UBR4: variants seen among roughly 807,000 people sequenced by gnomAD.
UBR4 encodes the protein ubiquitin protein ligase E3 component n-recognin 4, also known as E3 ubiquitin-protein ligase UBR4.
A neutral mutation model predicts 575.6 loss-of-function variants in UBR4; 124 were observed. The observed-to-expected ratio is 0.22, with a 90% CI of 0.19 to 0.25. The LOEUF is 0.25. Among genes scored for constraint, UBR4 ranks in the 10% least tolerant of loss-of-function variants. The probability of loss-of-function intolerance (pLI) is 1.00; values close to 1 mark genes in which losing one functional copy is unlikely to be tolerated. For missense variants in UBR4, 4,818 were observed against 6,478.8 expected, an observed-to-expected ratio of 0.74 and a Z score of 8.80; for synonymous variants, 2,455 against 2,473.7, an observed-to-expected ratio of 0.99 and a Z score of 0.22.
chr1:19,169,332 G>T (rs1004957692), intron 27 of UBR4, 103 bp downstream of exon 27: 3 of 902,606 alleles, frequency 3.3e-6, no homozygotes, highest in Non-Finnish European at 4.9e-6. Flanking sequence ...AGTATATGAA[G>T]ATATCTTGGT....
chr1:19,192,743 C>T (rs2092188210), intron 9 of UBR4, among the ~76,000 whole-genome samples: 2 of 152,112 alleles, frequency 1.3e-5, no homozygotes, highest in East Asian at 3.9e-4. Context: ...GAAGCCATCC[C>T]TCCTCCGAAT....
rs1294153089 is a variant in UBR4, at chr1:19,128,295, A to T, written c.9027T>A (p.Asp3009Glu). The T allele has an allele frequency of 6.2e-7, 1 of 1,614,010 alleles. No homozygotes were observed. The highest frequency in any genetic ancestry group is 8.5e-7 in the Non-Finnish European group (1 of 1,179,934). ...TGTCTTTCTCATCTTCTCCATCCAGATCTGTAGTGAGCATTAGAATGACCT... is the reference window on the plus strand; with the variant it reads ...TGTCTTTCTCATCTTCTCCATCCAGTTCTGTAGTGAGCATTAGAATGACCT... ...YMQVILMLTT[D>E]LDGEDEKDKG... The change falls in exon 62 of 106, where the codon GAT becomes GAA. Residue 3009 changes from aspartate to glutamate, a missense_variant. Asp to Glu is a conservative substitution (Grantham distance 45). Coordinates refer to ENST00000375254, the MANE Select transcript of UBR4 (RefSeq NM_020765.3).
rs1183654185 is a variant in UBR4 at position 19,138,043 on chromosome 1, TCTC to T, written c.8867_8869del (p.Gly2956del). Reference sequence around the variant, plus strand: ...GTGGACATCTCCTTCAGTTTCTCCTTCTCCTTCTCCCTCGGAGCCATCTCCCTC... The same window carrying T: ...GTGGACATCTCCTTCAGTTTCTCCTTCTTCTCCCTCGGAGCCATCTCCCTC... On this transcript the variant is annotated inframe_deletion, in exon 60 of 106. Transcript: ENST00000375254. The T allele has an allele frequency of 5.7e-6, 9 of 1,579,468 alleles. 1 individual carries two copies. In the South Asian group the frequency reaches 1.0e-4, roughly 18 times the overall value.
intron 1 of UBR4, among the ~76,000 whole-genome samples, chr1:19,204,535 A>AATAT (rs34722359): frequency 1.3e-5 from 2 of 150,092 alleles, no homozygotes; most frequent in East Asian, 1.9e-4. Flanking sequence ...TATAAAAAAA[A>AATAT]ATATATATAT....
chr1:19,176,873 C>T (rs1300662594), intron 19 of UBR4, 146 bp from the exon 20 acceptor site: 3 of 977,606 alleles, frequency 3.1e-6, no homozygotes, highest in East Asian at 5.3e-5. Context: ...TATTGGGCAC[C>T]ATTCAGCTTT....
rs112506071 is a variant in UBR4 at position 19,075,976 on chromosome 1, T to G, written c.15487+764A>C. On this transcript the variant is annotated intron_variant, in intron 105 of 105. Coordinates refer to ENST00000375254, the MANE Select transcript of UBR4 (RefSeq NM_020765.3). ...GTGCGTTGGCTCTGGGGAGCTGACC[T>G]TTGTAGGGCGGGTGCTCTGATGGGG... Among the ~76,000 whole-genome samples, 850 of 152,298 alleles carry G rather than the reference T, an allele frequency of 5.6e-3. 7 individuals carry two copies. The highest frequency in any genetic ancestry group is 0.017 in the Middle Eastern group (5 of 294).
chr1:19,117,252 T>C lies in UBR4; in HGVS notation c.10792A>G (p.Thr3598Ala). ...TTCAACTCCACGATGGCCTGCACGG[T>C]TCGGTTGTTATAATACAGGTTGATG... ...RTINLYYNNR[T>A]VQAIVELKNK... The change falls in exon 73 of 106, where the codon ACC becomes GCC. Residue 3598 changes from threonine to alanine, a missense_variant. Physicochemically the swap from Thr to Ala is moderately conservative, Grantham distance 58 (BLOSUM62 0). This residue lies in a region of UBR4 where 550 missense variants were observed against 791.5 expected (regional missense o/e 0.69). Transcript: ENST00000375254. The surrounding 1 kb of genome is among the most constrained non-coding windows in gnomAD (Gnocchi z 4.0). 6.2e-7 allele frequency: 1 copy of C among 1,614,108 alleles called. No homozygotes were observed. Among genetic ancestry groups the C allele is most frequent in the East Asian group, 2.2e-5 (1 of 44,878 alleles).
intron 52 of UBR4, 65 bp downstream of exon 52, chr1:19,146,761 G>C: frequency 6.5e-7 from 1 of 1,549,786 alleles, no homozygotes; most frequent in Non-Finnish European, 8.7e-7. Context: ...AGAACAGTAA[G>C]AATGAGAGGG....
At position 19,127,593 on chromosome 1, in the gene UBR4, C is replaced by T. The variant is rs2274002; in HGVS notation, c.9228+30G>A. Reference sequence around the variant, plus strand: ...TACCCAGACAATCCGCTTACCTTTCCCCAAACCCATGAACCCAAAGCAAAA... The same window carrying T: ...TACCCAGACAATCCGCTTACCTTTCTCCAAACCCATGAACCCAAAGCAAAA... On this transcript the variant is annotated intron_variant, in intron 63 of 105. Coordinates refer to ENST00000375254, the MANE Select transcript of UBR4 (RefSeq NM_020765.3). 2.9e-3 allele frequency: 4,562 copies of T among 1,586,192 alleles called. 172 individuals are homozygous for T. The East Asian group carries it at 0.079, about 27-fold the overall frequency.
In UBR4 at chr1:19,086,599, C is replaced by A. The variant is rs574816288; in HGVS notation, c.14687+80G>T. On this transcript the variant is annotated intron_variant, in intron 100 of 105. Transcript: ENST00000375254. ...AGAGACTAAGGAGCAGATTTAAAAC[C>A]ACGAGGATGGCAGTCCCACCCGCTC... The A allele has an allele frequency of 2.5e-3, 3,843 of 1,566,792 alleles. 6 individuals carry two copies. The highest frequency in any genetic ancestry group is 2.7e-3 in the Non-Finnish European group (3,162 of 1,154,014).
In UBR4 at chr1:19,169,532, C is replaced by G. The variant is rs748291406; in HGVS notation, c.3644G>C (p.Gly1215Ala). The G allele has an allele frequency of 8.1e-6, 13 of 1,612,248 alleles. No individual in the cohort carries two copies. The highest frequency in any genetic ancestry group is 9.3e-6 in the Non-Finnish European group (11 of 1,179,396). Residue 1215 changes from glycine to alanine, a missense_variant and splice_region_variant, in exon 27 of 106, where the codon GGT (glycine) becomes GCT (alanine). Transcript: ENST00000375254. Reference sequence around the variant, plus strand: ...TGGCAAATTCTGAACCAGTGTCGGACCTGGAGGCGACAGAAAGGACAAGGA... The same window carrying G: ...TGGCAAATTCTGAACCAGTGTCGGAGCTGGAGGCGACAGAAAGGACAAGGA... Reference protein sequence around the residue: ...GSSRCKANTLGPTLVQNLPSS... With the variant: ...GSSRCKANTLAPTLVQNLPSS...
chr1:19,126,704 A>G (rs1295295464), intron 63 of UBR4, 49 bp from the exon 64 acceptor site: 2 of 1,593,334 alleles, frequency 1.3e-6, no homozygotes, highest in Non-Finnish European at 1.7e-6. Flanking sequence ...TTGTAAAAAC[A>G]ATGTGAAATC....
intron 93 of UBR4, 103 bp downstream of exon 93, chr1:19,095,442 G>C (rs2077938613): frequency 9.0e-7 from 1 of 1,112,148 alleles, no homozygotes; most frequent in Admixed American, 1.9e-5. Flanking sequence ...TGAAGGGCTT[G>C]AAGAAGCCGT....
chr1:19,180,033 T>C (rs2090722936), intron 17 of UBR4, among the ~76,000 whole-genome samples: 2 of 152,206 alleles, frequency 1.3e-5, no homozygotes. Context: ...GACTACACAG[T>C]TACCATAGGT....
At chr1:19,179,937 T>G (rs1343257312) in intron 17 of UBR4, among the ~76,000 whole-genome samples, 2 of 152,196 alleles carry the variant, frequency 1.3e-5, no homozygotes, top group African/African-American at 4.8e-5. Context: ...CAAATTAAAT[T>G]ATATTTTTAT....
intron 1 of UBR4, among the ~76,000 whole-genome samples, chr1:19,204,974 A>G (rs2092935245): frequency 6.6e-6 from 1 of 152,234 alleles, no homozygotes; most frequent in African/African-American, 2.4e-5. Context: ...AAAGTTAAGT[A>G]GGAAGGAGAA....
rs1452294626 is a variant in UBR4 at position 19,146,880 on chromosome 1, G to A, written c.7750C>T (p.Arg2584Cys). 2 of 1,614,126 alleles carry A rather than the reference G, an allele frequency of 1.2e-6. No individual in the cohort carries two copies. The highest frequency in any genetic ancestry group is 1.7e-5 in the Admixed American group (1 of 60,030). ...VITARSIAIM[R>C]PNNLVHFTES... is the part of the protein sequence containing the mutation. Reference sequence around the variant, plus strand: ...GTAAAGTGGACAAGGTTGTTGGGGCGCATGATGGCAATGGAGCGAGCTGTG... The same window carrying A: ...GTAAAGTGGACAAGGTTGTTGGGGCACATGATGGCAATGGAGCGAGCTGTG... The change falls in exon 52 of 106, where the codon CGC becomes TGC. Residue 2584 changes from arginine to cysteine, a missense_variant. Transcript: ENST00000375254.
intron 48 of UBR4, 99 bp from the exon 49 acceptor site, chr1:19,150,892 T>C: frequency 8.5e-7 from 1 of 1,182,420 alleles, no homozygotes; most frequent in Non-Finnish European, 1.2e-6. Context: ...GTAAATCACG[T>C]CAATTTTATA....
Position 19,097,335 on chromosome 1 carries a change from A to C in UBR4, c.13303-55T>G, listed in dbSNP as rs1277878977. 4 of 1,520,940 alleles carry C rather than the reference A, an allele frequency of 2.6e-6. No individual in the cohort carries two copies. The Admixed American group carries it at 7.4e-5, about 28-fold the overall frequency. 94.2% of individuals were successfully genotyped at this position (1,520,940 alleles called of 1,614,324 possible). On this transcript the variant is annotated intron_variant, in intron 90 of 105. Transcript: ENST00000375254. ...TAAAAACAGGCCCAGACAAATGCAA[A>C]GGACTCCATACTTGGTCTTGCTTAA...
Sources: allele counts gnomAD v4.1 joint callset (sites outside exome capture counted in the v4.1 genomes callset), GRCh38; gene constraint gnomAD v4.1.1; regional missense constraint gnomAD v4.1.1; non-coding constraint Gnocchi (gnomAD v3.1); transcripts MANE v1.5; gene names NCBI Gene and HGNC (gene_info 2026-07-23, HGNC 2026-07-21).